The following NOL4 variants were observed in gnomAD, a reference collection of about 807,000 sequenced individuals.
The protein encoded by NOL4 is nucleolar protein 4.
Under a neutral mutation model 75.9 loss-of-function variants are expected in NOL4, and 17 were observed. The observed-to-expected ratio is 0.22, with a 90% CI of 0.15 to 0.34. NOL4 has a LOEUF of 0.34. NOL4 is among the 10% of genes least tolerant of loss of function. The pLI, the probability that NOL4 is intolerant of heterozygous loss-of-function variation, is 1.00. For missense variants in NOL4, 614 were observed against 793.5 expected (o/e 0.77, Z 2.72); for synonymous variants, 292 against 289.9 (o/e 1.01, Z -0.07).
intron 1 of NOL4, among the ~76,000 whole-genome samples, chr18:34,138,785 C>T (rs1218076047): frequency 6.6e-6 from 1 of 152,112 alleles, no homozygotes; most frequent in Non-Finnish European, 1.5e-5. Context: ...CCAGTTTTTG[C>T]CCATTCAGTA....
chr18:33,965,519 T>A (rs150563992), intron 6 of NOL4, among the ~76,000 whole-genome samples: 248 of 152,224 alleles, frequency 1.6e-3, no homozygotes, highest in African/African-American at 5.6e-3. Flanking sequence ...CCTACCCAAA[T>A]TTCATCTTGA....
At chr18:33,953,244 T>TTTTTTTTTTTTTTTTTTTGAG (rs1555671903) in intron 8 of NOL4, among the ~76,000 whole-genome samples, 2 of 149,538 alleles carry the variant, frequency 1.3e-5, no homozygotes, top group African/African-American at 4.9e-5. Flanking sequence ...AGGATATTTT[T>TTTTTTTTTTTTTTTTTTTGAG]AAACTGCAAA....
chr18:34,104,374 G>C (rs1259270319), intron 3 of NOL4, among the ~76,000 whole-genome samples: 1 of 151,966 alleles, frequency 6.6e-6, no homozygotes, highest in Non-Finnish European at 1.5e-5. Flanking sequence ...ATTTATAAAT[G>C]CAGGGGAACT....
At chr18:33,971,699 G>A (rs879426124) in intron 6 of NOL4, among the ~76,000 whole-genome samples, 5 of 152,036 alleles carry the variant, frequency 3.3e-5, no homozygotes, top group Non-Finnish European at 5.9e-5. Context: ...AAAGTAAACC[G>A]GGGCACTGTT....
chr18:33,965,029 T>C (rs559094447), intron 6 of NOL4, among the ~76,000 whole-genome samples: 18 of 152,258 alleles, frequency 1.2e-4, no homozygotes, highest in Admixed American at 7.2e-4. Flanking sequence ...TATTCTATTA[T>C]AGATGAGGAA....
At chr18:33,926,534 A>G (rs1294095637) in intron 9 of NOL4, among the ~76,000 whole-genome samples, 1 of 152,160 alleles carries the variant, frequency 6.6e-6, no homozygotes, top group African/African-American at 2.4e-5. Flanking sequence ...AACCAACAAG[A>G]AAGACATTGG....
rs986799409 is a variant in NOL4 at position 34,093,221 on chromosome 18, A to G, written c.772+244T>C. Among the ~76,000 whole-genome samples, 4 of 152,214 alleles carry G rather than the reference A, an allele frequency of 2.6e-5. 1 individual carries two copies. ...TTTAAGTTCAGGGAGCAAAACATGA[A>G]TTAACTTGAATTTTATAACCAATAT... On this transcript the variant is annotated intron_variant, in intron 5 of 10. Coordinates refer to ENST00000261592, the MANE Select transcript of NOL4 (RefSeq NM_003787.5).
chr18:34,188,963 A>G (rs80243060), intron 1 of NOL4, among the ~76,000 whole-genome samples: 2,632 of 152,288 alleles, frequency 0.017, 77 homozygotes, highest in African/African-American at 0.061. Flanking sequence ...AAAATGAGCT[A>G]TATTTCCAAT....
intron 9 of NOL4, among the ~76,000 whole-genome samples, chr18:33,921,611 A>G (rs2067041837): frequency 6.6e-6 from 1 of 152,140 alleles, no homozygotes. Context: ...TTTTGCTGCC[A>G]AAAACCAAGG....
chr18:33,968,206 T>G (rs984770075), intron 6 of NOL4, among the ~76,000 whole-genome samples: 2 of 152,328 alleles, frequency 1.3e-5, no homozygotes, highest in African/African-American at 4.8e-5. Context: ...GTTCAGCCAC[T>G]GTGGAAAGCA....
At chr18:34,072,095 G>T (rs1256589129) in intron 5 of NOL4, among the ~76,000 whole-genome samples, 1 of 152,014 alleles carries the variant, frequency 6.6e-6, no homozygotes, top group Non-Finnish European at 1.5e-5. Context: ...GCCGGGCGTG[G>T]TGGTGGGCAC....
chr18:34,188,433 T>C (rs2034658013), intron 1 of NOL4, among the ~76,000 whole-genome samples: 2 of 152,260 alleles, frequency 1.3e-5, no homozygotes, highest in East Asian at 1.9e-4. Flanking sequence ...AATAAACCCA[T>C]TGTAAGTTGA....
intron 5 of NOL4, among the ~76,000 whole-genome samples, chr18:34,055,885 T>A (rs1279261883): frequency 6.6e-6 from 1 of 152,134 alleles, no homozygotes; most frequent in African/African-American, 2.4e-5. Context: ...CTGATCAAGT[T>A]TGCTATTAAG....
intron 1 of NOL4, among the ~76,000 whole-genome samples, chr18:34,140,867 C>T (rs1364940296): frequency 6.6e-6 from 1 of 151,924 alleles, no homozygotes; most frequent in Admixed American, 6.6e-5. Context: ...TCTTGTAGGG[C>T]AGGCCTCATG....
intron 9 of NOL4, among the ~76,000 whole-genome samples, chr18:33,936,099 G>A (rs1054175370): frequency 2.0e-5 from 3 of 152,078 alleles, no homozygotes; most frequent in Admixed American, 6.6e-5. Context: ...AATTAAATGT[G>A]AAAGAAAAGC....
chr18:33,977,442 C>T (rs761506841), intron 6 of NOL4, among the ~76,000 whole-genome samples: 12 of 152,162 alleles, frequency 7.9e-5, no homozygotes, highest in Non-Finnish European at 1.3e-4. Flanking sequence ...AGTTCCCCTG[C>T]ATATGTTCTC....
At chr18:34,078,146 A>G (rs1272535661) in intron 5 of NOL4, among the ~76,000 whole-genome samples, 1 of 152,152 alleles carries the variant, frequency 6.6e-6, no homozygotes, top group Non-Finnish European at 1.5e-5. Context: ...AAGATGTTTT[A>G]ATCAAAATTT....
rs944822295 is a variant in NOL4 at position 34,224,335 on chromosome 18, G to C, written c.-1082C>G. The C allele has an allele frequency of 1.3e-5, 2 of 152,552 alleles. No individual in the cohort carries two copies. The highest frequency in any genetic ancestry group is 1.5e-5 in the Non-Finnish European group (1 of 68,322). 9.4% of individuals were successfully genotyped at this position (152,552 alleles called of 1,614,324 possible). On this transcript the variant is annotated 5_prime_UTR_variant, in exon 1 of 11. Coordinates refer to ENST00000261592, the MANE Select transcript of NOL4 (RefSeq NM_003787.5). ...CTTGGTCACAGTTTGCAGTTCACAC[G>C]GGAGGTTTCAGTTGTCTATTTTCCC...
intron 6 of NOL4, among the ~76,000 whole-genome samples, chr18:34,017,458 TG>T (rs2074765097): frequency 1.3e-5 from 2 of 152,282 alleles, no homozygotes; most frequent in South Asian, 4.1e-4. Flanking sequence ...ATCACTTCCA[TG>T]TGGTAAGAAC....
Sources: allele counts gnomAD v4.1 joint callset (sites outside exome capture counted in the v4.1 genomes callset), GRCh38; gene constraint gnomAD v4.1.1; transcripts MANE v1.5; gene names NCBI Gene and HGNC (gene_info 2026-07-23, HGNC 2026-07-21).